The following LNX2 variants were observed in gnomAD, a reference collection of about 807,000 sequenced individuals.
The protein encoded by LNX2 is ligand of Numb protein X 2.
Under a neutral mutation model 66.2 loss-of-function variants are expected in LNX2, and 35 were observed. That is an observed-to-expected ratio of 0.53 (90% CI 0.40 to 0.70). The LOEUF is 0.70. Among genes scored for constraint, LNX2 ranks in the 30% least tolerant of loss-of-function variants. The pLI is 0.00. For missense variants in LNX2, 791 were observed against 850.8 expected (o/e 0.93, Z 0.87); for synonymous variants, 337 against 315.6 (o/e 1.07, Z -0.72).
chr13:27,598,313 T>C (rs1955621435), intron 1 of LNX2, among the ~76,000 whole-genome samples: 1 of 151,696 alleles, frequency 6.6e-6, no homozygotes, highest in Admixed American at 6.6e-5. Flanking sequence ...GGTTGAGATG[T>C]AGGCCACTAA....
chr13:27,619,263 T>C (rs996372468), intron 1 of LNX2, among the ~76,000 whole-genome samples: 14 of 133,826 alleles, frequency 1.0e-4, no homozygotes, highest in Non-Finnish European at 1.9e-4. Context: ...AACAAAGCTT[T>C]GACAAGCCAA....
intron 8 of LNX2, among the ~76,000 whole-genome samples, chr13:27,550,879 G>C (rs776981130): frequency 5.3e-5 from 8 of 152,304 alleles, no homozygotes; most frequent in South Asian, 2.1e-4. Context: ...AATGTGGGAT[G>C]AAAGAGGTCT....
chr13:27,581,185 A>T (rs1019569304), intron 2 of LNX2, 112 bp downstream of exon 2: 2 of 695,574 alleles, frequency 2.9e-6, no homozygotes, highest in African/African-American at 3.6e-5. Flanking sequence ...TACTTGATTC[A>T]CCCATTTACT....
At chr13:27,604,331 G>A (rs2138460110) in intron 1 of LNX2, among the ~76,000 whole-genome samples, 1 of 152,376 alleles carries the variant, frequency 6.6e-6, no homozygotes, top group African/African-American at 2.4e-5. Context: ...ATGGCCAGCA[G>A]ATCCACACAA....
At chr13:27,613,420 AAG>A (rs1242881304) in intron 1 of LNX2, among the ~76,000 whole-genome samples, 6 of 152,208 alleles carry the variant, frequency 3.9e-5, no homozygotes, top group Non-Finnish European at 8.8e-5. Flanking sequence ...TGTAAGTTTT[AAG>A]ATTTCTAACA....
intron 1 of LNX2, among the ~76,000 whole-genome samples, chr13:27,606,090 A>AGATTG (rs1955712281): frequency 6.6e-6 from 1 of 152,222 alleles, no homozygotes; most frequent in Admixed American, 6.5e-5. Flanking sequence ...TGCAGACTTG[A>AGATTG]TGAACACTGT....
Position 27,569,202 on chromosome 13 carries a change from T to G in LNX2, c.482A>C (p.Asn161Thr), listed in dbSNP as rs1323636292. ...KTSRTQAEIE[N>T]ENGPTLLDPA... The stretch of plus-strand genomic sequence containing the variant: ...ATCTAGTAGAGTGGGCCCATTTTCA[T>G]TCTCAATCTCTGCTTGAGTTCTACT... Residue 161 changes from asparagine to threonine, a missense_variant, in exon 3 of 10, where the codon AAT becomes ACT. By Grantham distance (65) the Asn-to-Thr change is moderately conservative. Transcript: ENST00000316334. The G allele has an allele frequency of 6.2e-7, 1 of 1,613,242 alleles. No individual in the cohort carries two copies. Among genetic ancestry groups the G allele is most frequent in the Admixed American group, 1.7e-5 (1 of 59,918 alleles).
rs373716811 is a variant in LNX2 at position 27,553,356 on chromosome 13, C to T, written c.1630G>A (p.Ala544Thr). 26 of 1,614,004 alleles carry T rather than the reference C, an allele frequency of 1.6e-5. No homozygotes were observed. The highest frequency in any genetic ancestry group is 2.2e-5 in the East Asian group (1 of 44,884). The change falls in exon 8 of 10, where the codon GCG becomes ACG. Residue 544 changes from alanine to threonine, a missense_variant. Coordinates refer to ENST00000316334, the MANE Select transcript of LNX2 (RefSeq NM_153371.4). ...GCTTTAAGGGCAACAGCAGGGGACG[C>T]GGCACTGGCTTTCAGCATTGCAACT... Reference protein sequence around the residue: ...EAVAMLKASAASPAVALKALE... With the variant: ...EAVAMLKASATSPAVALKALE...
At chr13:27,552,186 T>TA in intron 8 of LNX2, among the ~76,000 whole-genome samples, 2 of 152,276 alleles carry the variant, frequency 1.3e-5, no homozygotes, top group East Asian at 3.9e-4. Flanking sequence ...ACTAGACTGG[T>TA]ATATCAGATA....
chr13:27,556,436 C>A, intron 6 of LNX2, 23 bp from the exon 7 acceptor site: 1 of 1,597,082 alleles, frequency 6.3e-7, no homozygotes, highest in South Asian at 1.1e-5. Context: ...AGAAAAAAAT[C>A]ATTGGATAAT....
At chr13:27,579,750 C>T (rs567730417) in intron 2 of LNX2, among the ~76,000 whole-genome samples, 1 of 152,284 alleles carries the variant, frequency 6.6e-6, no homozygotes, top group East Asian at 1.9e-4. Flanking sequence ...GAAGCCTATA[C>T]ACTGAAAAGA....
At chr13:27,608,867 C>T (rs833093) in intron 1 of LNX2, among the ~76,000 whole-genome samples, 46,574 of 148,560 alleles carry the variant, frequency 0.31, 8,796 homozygotes, top group Admixed American at 0.45. Flanking sequence ...TGCAGTGGTA[C>T]GATCTTGGCT....
intron 1 of LNX2, among the ~76,000 whole-genome samples, chr13:27,616,170 G>A (rs989403941): frequency 3.6e-5 from 5 of 138,690 alleles, no homozygotes; most frequent in Admixed American, 3.5e-4. Context: ...CAGGGGGTCG[G>A]GGGTGGGGTG....
chr13:27,615,559 C>T (rs111551919), intron 1 of LNX2, among the ~76,000 whole-genome samples: 6,698 of 152,224 alleles, frequency 0.044, 209 homozygotes, highest in Non-Finnish European at 0.067. Flanking sequence ...GCTGACAGTC[C>T]TAACCCTCTA....
At chr13:27,610,869 C>T (rs1955765011) in intron 1 of LNX2, among the ~76,000 whole-genome samples, 1 of 152,146 alleles carries the variant, frequency 6.6e-6, no homozygotes, top group Non-Finnish European at 1.5e-5. Context: ...AGTTCAGCAT[C>T]ACTAATCCCA....
intron 1 of LNX2, among the ~76,000 whole-genome samples, chr13:27,582,665 C>G (rs1008181035): frequency 1.6e-4 from 25 of 152,250 alleles, no homozygotes; most frequent in African/African-American, 6.0e-4. Context: ...ACCACATGTT[C>G]TCACTCATAA....
chr13:27,579,763 A>G (rs1401295613), intron 2 of LNX2, among the ~76,000 whole-genome samples: 1 of 152,240 alleles, frequency 6.6e-6, no homozygotes, highest in Non-Finnish European at 1.5e-5. Flanking sequence ...TGAAAAGAAC[A>G]GTTCTACTGA....
chr13:27,599,623 T>G (rs1467875583), intron 1 of LNX2, among the ~76,000 whole-genome samples: 1 of 152,184 alleles, frequency 6.6e-6, no homozygotes, highest in African/African-American at 2.4e-5. Context: ...AATTAGGAAG[T>G]AAGTTAGGAA....
At chr13:27,555,866 C>T (rs949519918) in intron 7 of LNX2, among the ~76,000 whole-genome samples, 1 of 152,162 alleles carries the variant, frequency 6.6e-6, no homozygotes, top group African/African-American at 2.4e-5. Context: ...TTGTCTTCTG[C>T]TCCACCTCCT....
Sources: allele counts gnomAD v4.1 joint callset (sites outside exome capture counted in the v4.1 genomes callset), GRCh38; gene constraint gnomAD v4.1.1; transcripts MANE v1.5; gene names NCBI Gene and HGNC (gene_info 2026-07-23, HGNC 2026-07-21).